ZCCHC7: variants seen among roughly 807,000 people sequenced by gnomAD.
The protein encoded by ZCCHC7 is zinc finger CCHC-type containing 7, also known as zinc finger CCHC domain-containing protein 7.
A neutral mutation model predicts 52.0 loss-of-function variants in ZCCHC7; 35 were observed. The ratio of observed to expected loss-of-function variants is 0.67; its 90% confidence interval spans 0.51 to 0.89. ZCCHC7 has a LOEUF of 0.89. Among genes scored for constraint, ZCCHC7 ranks in the 40% least tolerant of loss-of-function variants. ZCCHC7 has a pLI of 0.00. For synonymous variants in ZCCHC7, 217 were observed against 221.5 expected, an observed-to-expected ratio of 0.98 and a Z score of 0.18; for missense variants, 574 against 649.1, an observed-to-expected ratio of 0.88 and a Z score of 1.26.
chr9:37,301,503 T>A (rs1033716375), intron 2 of ZCCHC7, among the ~76,000 whole-genome samples: 4 of 152,020 alleles, frequency 2.6e-5, no homozygotes, highest in Non-Finnish European at 5.9e-5. Context: ...AGGAGGCTGA[T>A]GTGGGAGGAT....
chr9:37,174,447 T>G (rs548610132), intron 2 of ZCCHC7, among the ~76,000 whole-genome samples: 2 of 152,268 alleles, frequency 1.3e-5, no homozygotes, highest in East Asian at 3.9e-4. Context: ...ATGGAGTAAT[T>G]GTTGATTGTA....
intron 2 of ZCCHC7, among the ~76,000 whole-genome samples, chr9:37,253,148 T>A (rs1826411909): frequency 6.6e-6 from 1 of 152,068 alleles, no homozygotes; most frequent in African/African-American, 2.4e-5. Context: ...GCAAGAAAAC[T>A]GTTTTTTGGA....
intron 2 of ZCCHC7, among the ~76,000 whole-genome samples, chr9:37,289,219 G>A (rs535184327): frequency 4.0e-5 from 6 of 150,356 alleles, no homozygotes; most frequent in South Asian, 2.1e-4. Flanking sequence ...GTGTGGTCTC[G>A]GGTCACTGCA....
At chr9:37,137,595 G>A (rs534298168) in intron 2 of ZCCHC7, among the ~76,000 whole-genome samples, 62 of 152,054 alleles carry the variant, frequency 4.1e-4, no homozygotes, top group South Asian at 2.9e-3. Flanking sequence ...TGTTTTTTGC[G>A]TACATACCTC....
At chr9:37,126,188 A>G (rs2132683079) in intron 1 of ZCCHC7, 124 bp from the exon 2 acceptor site, 2 of 996,016 alleles carry the variant, frequency 2.0e-6, no homozygotes, top group East Asian at 2.4e-5. Context: ...AAGGTATTTT[A>G]ATATGTCTGA....
rs73646367 is a variant in ZCCHC7, at chr9:37,332,899, T to A, written c.987+5065T>A. 5.2e-3 allele frequency among the ~76,000 whole-genome samples: 795 copies of A among 151,718 alleles called. 4 individuals are homozygous for A. The highest frequency in any genetic ancestry group is 0.018 in the African/African-American group (749 of 41,514). On this transcript the variant is annotated intron_variant, in intron 6 of 8. Transcript: ENST00000336755. ...TATTTAGAAATTGTATGTATGCATA[T>A]TTATTTGTGAATGGAGTTAGAATAA...
At chr9:37,245,155 T>TTATATTTGGCA (rs572151073) in intron 2 of ZCCHC7, among the ~76,000 whole-genome samples, 88 of 152,008 alleles carry the variant, frequency 5.8e-4, no homozygotes, top group African/African-American at 2.0e-3. Flanking sequence ...AGATAAAATT[T>TTATATTTGGCA]TATATTTGGC....
At chr9:37,222,062 A>C (rs1424546765) in intron 2 of ZCCHC7, among the ~76,000 whole-genome samples, 1 of 152,182 alleles carries the variant, frequency 6.6e-6, no homozygotes, top group African/African-American at 2.4e-5. Context: ...AGTTGATCAG[A>C]TGGAAGAGCA....
At chr9:37,195,459 T>C (rs533501643) in intron 2 of ZCCHC7, among the ~76,000 whole-genome samples, 1 of 152,196 alleles carries the variant, frequency 6.6e-6, no homozygotes, top group Non-Finnish European at 1.5e-5. Context: ...TCATTAGCAA[T>C]GTTTGTGATG....
chr9:37,319,894 T>C (rs937269866), intron 5 of ZCCHC7, among the ~76,000 whole-genome samples: 5 of 152,254 alleles, frequency 3.3e-5, no homozygotes, highest in African/African-American at 1.2e-4. Context: ...AGACTTTCCA[T>C]TCTCAACTGA....
At chr9:37,283,349 A>G (rs973534823) in intron 2 of ZCCHC7, among the ~76,000 whole-genome samples, 1 of 152,150 alleles carries the variant, frequency 6.6e-6, no homozygotes, top group South Asian at 2.1e-4. Flanking sequence ...TGTAAATTAA[A>G]CTTTCTGTAT....
chr9:37,315,125 A>G (rs1253450316), intron 5 of ZCCHC7, among the ~76,000 whole-genome samples: 1 of 152,092 alleles, frequency 6.6e-6, no homozygotes, highest in Non-Finnish European at 1.5e-5. Flanking sequence ...AGTTAAAAAA[A>G]AAAAAAGAAA....
intron 2 of ZCCHC7, among the ~76,000 whole-genome samples, chr9:37,227,343 T>C (rs573520241): frequency 4.9e-4 from 75 of 152,114 alleles, no homozygotes; most frequent in Non-Finnish European, 9.9e-4. Context: ...ATGGCAAATA[T>C]AAGCTAATGA....
intron 2 of ZCCHC7, among the ~76,000 whole-genome samples, chr9:37,219,397 G>A (rs546735219): frequency 2.6e-5 from 4 of 152,112 alleles, no homozygotes; most frequent in African/African-American, 4.8e-5. Flanking sequence ...CTAGGTACTC[G>A]CTCACTAATT....
At chr9:37,205,895 T>C (rs1007017225) in intron 2 of ZCCHC7, among the ~76,000 whole-genome samples, 1 of 152,030 alleles carries the variant, frequency 6.6e-6, no homozygotes, top group Non-Finnish European at 1.5e-5. Context: ...TTTTTTTTTT[T>C]TTCTTTCCGC....
intron 2 of ZCCHC7, among the ~76,000 whole-genome samples, chr9:37,173,894 T>C (rs187308022): frequency 3.3e-5 from 5 of 152,342 alleles, no homozygotes; most frequent in African/African-American, 9.6e-5. Flanking sequence ...GGAATAAACA[T>C]GATTTGTGGA....
intron 2 of ZCCHC7, among the ~76,000 whole-genome samples, chr9:37,215,014 T>G (rs1445506133): frequency 6.6e-6 from 1 of 152,124 alleles, no homozygotes; most frequent in Non-Finnish European, 1.5e-5. Context: ...TTAATAACAT[T>G]GATATTCTGC....
chr9:37,224,463 T>C (rs10973259), intron 2 of ZCCHC7, among the ~76,000 whole-genome samples: 21,475 of 152,130 alleles, frequency 0.14, 1,762 homozygotes, highest in Non-Finnish European at 0.17. Context: ...AGGGACTGAA[T>C]TTACACTCCT....
At chr9:37,191,411 TTTC>T (rs1823016312) in intron 2 of ZCCHC7, among the ~76,000 whole-genome samples, 1 of 152,198 alleles carries the variant, frequency 6.6e-6, no homozygotes, top group Non-Finnish European at 1.5e-5. Context: ...CTCTTTTATA[TTTC>T]TTACCTTTTT....
Sources: allele counts gnomAD v4.1 joint callset (sites outside exome capture counted in the v4.1 genomes callset), GRCh38; gene constraint gnomAD v4.1.1; transcripts MANE v1.5; gene names NCBI Gene and HGNC (gene_info 2026-07-23, HGNC 2026-07-21).